The following SEMA6D variants were observed in gnomAD, a reference collection of about 807,000 sequenced individuals.
SEMA6D encodes semaphorin-6D.
Under a neutral mutation model 106.6 loss-of-function variants are expected in SEMA6D, and 35 were observed. The ratio of observed to expected loss-of-function variants is 0.33; its 90% confidence interval spans 0.25 to 0.44. The LOEUF is 0.44. Among genes scored for constraint, SEMA6D ranks in the 20% least tolerant of loss-of-function variants. SEMA6D has a pLI of 1.00. For missense variants in SEMA6D, 1,185 were observed against 1,345.9 expected, an observed-to-expected ratio of 0.88 and a Z score of 1.87; for synonymous variants, 499 against 487.7, an observed-to-expected ratio of 1.02 and a Z score of -0.31.
chr15:47,327,328 A>G (rs1355608805), intron 1 of SEMA6D, among the ~76,000 whole-genome samples: 3 of 152,236 alleles, frequency 2.0e-5, no homozygotes, highest in Non-Finnish European at 4.4e-5. Context: ...TAAGCATAAT[A>G]TAAATAGTAG....
intron 1 of SEMA6D, among the ~76,000 whole-genome samples, chr15:47,218,239 G>A (rs2030852292): frequency 6.6e-6 from 1 of 152,118 alleles, no homozygotes; most frequent in Non-Finnish European, 1.5e-5. Context: ...CCTAAAGAAT[G>A]CACCATAGCT....
At chr15:47,622,835 G>A (rs935137754) in intron 4 of SEMA6D, among the ~76,000 whole-genome samples, 2 of 152,192 alleles carry the variant, frequency 1.3e-5, no homozygotes, top group Admixed American at 6.5e-5. Flanking sequence ...TGAGGGGTTT[G>A]TAAACTCTCA....
At chr15:47,688,091 A>G (rs1485913034) in intron 4 of SEMA6D, among the ~76,000 whole-genome samples, 2 of 152,174 alleles carry the variant, frequency 1.3e-5, no homozygotes, top group Non-Finnish European at 1.5e-5. Context: ...AACTAAAACC[A>G]TGGGAATAAA....
chr15:47,510,084 C>T (rs1194990754), intron 3 of SEMA6D, among the ~76,000 whole-genome samples: 1 of 152,106 alleles, frequency 6.6e-6, no homozygotes, highest in South Asian at 2.1e-4. Context: ...CAAGAGTCTC[C>T]AACCCCTGGG....
chr15:47,461,013 T>A (rs1358068946), intron 2 of SEMA6D, among the ~76,000 whole-genome samples: 1 of 152,078 alleles, frequency 6.6e-6, no homozygotes, highest in Admixed American at 6.6e-5. Flanking sequence ...CTCCAGCCAC[T>A]TCCTCTCTCT....
chr15:47,674,223 T>C (rs532759669), intron 4 of SEMA6D, among the ~76,000 whole-genome samples: 1 of 152,316 alleles, frequency 6.6e-6, no homozygotes, highest in South Asian at 2.1e-4. Flanking sequence ...GAACTGAGTG[T>C]CTATTTCAGA....
At chr15:47,562,289 T>A (rs928185401) in intron 3 of SEMA6D, among the ~76,000 whole-genome samples, 1 of 152,168 alleles carries the variant, frequency 6.6e-6, no homozygotes, top group South Asian at 2.1e-4. Context: ...TTCACTATGC[T>A]AAAAACTTAT....
chr15:47,454,288 C>CT (rs2042276811), intron 2 of SEMA6D, among the ~76,000 whole-genome samples: 1 of 151,930 alleles, frequency 6.6e-6, no homozygotes. Flanking sequence ...AGTGAAGCAG[C>CT]TTTTTCTCTG....
At chr15:47,732,590 A>G (rs772081718) in intron 1 of SEMA6D, among the ~76,000 whole-genome samples, 6 of 152,300 alleles carry the variant, frequency 3.9e-5, no homozygotes, top group African/African-American at 1.4e-4. Context: ...CACAAACAAA[A>G]TCACCATTTT....
intron 1 of SEMA6D, among the ~76,000 whole-genome samples, chr15:47,336,960 A>G (rs2037588165): frequency 6.6e-6 from 1 of 152,108 alleles, no homozygotes; most frequent in Admixed American, 6.6e-5. Context: ...CAGTAATGGA[A>G]GAGTTTAACA....
At chr15:47,326,659 A>G (rs2037143004) in intron 1 of SEMA6D, among the ~76,000 whole-genome samples, 1 of 152,232 alleles carries the variant, frequency 6.6e-6, no homozygotes, top group Non-Finnish European at 1.5e-5. Flanking sequence ...AAAGCTCAGA[A>G]TGTGGAAATC....
intron 1 of SEMA6D, among the ~76,000 whole-genome samples, chr15:47,731,872 A>G (rs964226479): frequency 5.3e-5 from 8 of 152,242 alleles, no homozygotes; most frequent in Non-Finnish European, 7.3e-5. Flanking sequence ...GACATATATA[A>G]AAATATAACA....
chr15:47,504,722 C>A (rs1175974101), intron 3 of SEMA6D, among the ~76,000 whole-genome samples: 1 of 152,166 alleles, frequency 6.6e-6, no homozygotes, highest in Non-Finnish European at 1.5e-5. Context: ...CACACACAAA[C>A]ACACACAGGC....
At chr15:47,688,064 A>G (rs573870225) in intron 4 of SEMA6D, among the ~76,000 whole-genome samples, 54 of 152,306 alleles carry the variant, frequency 3.5e-4, no homozygotes, top group African/African-American at 1.3e-3. Flanking sequence ...ATATTTGAGA[A>G]TCAACATATA....
intron 1 of SEMA6D, among the ~76,000 whole-genome samples, chr15:47,737,366 A>G (rs2080508592): frequency 6.6e-6 from 1 of 152,202 alleles, no homozygotes; most frequent in South Asian, 2.1e-4. Context: ...ATGGAAGGTA[A>G]CTTAATGTTT....
chr15:47,733,564 A>G (rs1457166453), intron 1 of SEMA6D, among the ~76,000 whole-genome samples: 5 of 152,084 alleles, frequency 3.3e-5, no homozygotes. Flanking sequence ...CTCTCTCTAT[A>G]TTCAGCCTGC....
intron 3 of SEMA6D, among the ~76,000 whole-genome samples, chr15:47,473,406 G>A (rs1166382037): frequency 1.3e-5 from 2 of 152,150 alleles, no homozygotes; most frequent in Non-Finnish European, 2.9e-5. Flanking sequence ...CCTGAGCCAA[G>A]AGACACCAAG....
chr15:47,333,347 T>TA lies in SEMA6D; in HGVS notation c.-238-79041dup, dbSNP rs540377630. Among the ~76,000 whole-genome samples, 8 of 152,230 alleles carry TA rather than the reference T, an allele frequency of 5.3e-5. No individual in the cohort carries two copies. The East Asian group carries it at 1.5e-3, about 29-fold the overall frequency. Reference sequence around the variant, plus strand: ...GATCAAAACCTAAAGAAAAATGGGTTAAAAACTTGAAGAAAAATTGTATGG... The same window carrying TA: ...GATCAAAACCTAAAGAAAAATGGGTTAAAAAACTTGAAGAAAAATTGTATGG... On this transcript the variant is annotated intron_variant, in intron 1 of 19. Coordinates refer to the SEMA6D transcript ENST00000558014.
At chr15:47,348,722 A>ACAC (rs1567016683) in intron 1 of SEMA6D, among the ~76,000 whole-genome samples, 73 of 36,906 alleles carry the variant, frequency 2.0e-3, no homozygotes, top group African/African-American at 3.4e-3. Flanking sequence ...CACACACCAC[A>ACAC]CACACAGAGA....
Sources: allele counts gnomAD v4.1 joint callset (sites outside exome capture counted in the v4.1 genomes callset), GRCh38; gene constraint gnomAD v4.1.1; transcripts MANE v1.5; gene names NCBI Gene and HGNC (gene_info 2026-07-23, HGNC 2026-07-21).